The following BPHL variants were observed in gnomAD, a reference collection of about 807,000 sequenced individuals.
BPHL encodes the protein serine hydrolase BPHL.
A neutral mutation model predicts 31.2 loss-of-function variants in BPHL; 27 were observed. That is an observed-to-expected ratio of 0.87 (90% CI 0.64 to 1.19). The LOEUF (loss-of-function observed/expected upper bound fraction) is 1.19. Ranked by LOEUF, BPHL falls within the 50% of genes most tolerant of loss-of-function variation. The pLI, the probability that BPHL is intolerant of heterozygous loss-of-function variation, is 0.00. For missense variants in BPHL, 356 were observed against 375.7 expected (o/e 0.95, Z 0.43); for synonymous variants, 150 against 146.8 (o/e 1.02, Z -0.16).
At chr6:3,128,657 T>C (rs557258811) in intron 3 of BPHL, among the ~76,000 whole-genome samples, 1 of 152,338 alleles carries the variant, frequency 6.6e-6, no homozygotes, top group African/African-American at 2.4e-5. Context: ...CAGGGTCCCC[T>C]CTCTGATCTA....
At position 3,119,598 on chromosome 6, in the gene BPHL, A is replaced by C. The variant is rs1581456083; in HGVS notation, c.107+751A>C. 14 of 1,549,724 alleles carry C rather than the reference A, an allele frequency of 9.0e-6. No homozygotes were observed. In the East Asian group the frequency reaches 3.1e-4, roughly 35 times the overall value. On this transcript the variant is annotated intron_variant, in intron 1 of 6. Transcript: ENST00000380379. ...CTTGGTCCCAAGAGATACTGGGCAG[A>C]AATGTGGATAGAGCGGCATGAAGCT...
In BPHL at chr6:3,146,164, G is replaced by T. The variant is rs866478907; in HGVS notation, c.788+5655G>T. On this transcript the variant is annotated intron_variant, in intron 6 of 6. Transcript: ENST00000380379. ...GTTCGGGTTGGAGTGCTGGTTCGGGGTGGAGTGCTGGTTCGGGGTGGAGTG... is the reference window on the plus strand; with the variant it reads ...GTTCGGGTTGGAGTGCTGGTTCGGGTTGGAGTGCTGGTTCGGGGTGGAGTG... Among the ~76,000 whole-genome samples the T allele has an allele frequency of 1.6e-3, 55 of 33,444 alleles. 1 individual carries two copies. The highest frequency in any genetic ancestry group is 7.0e-3 in the African/African-American group (16 of 2,300). The allele number at this position is 33,444 out of a possible 152,430, so 21.9% of individuals were successfully genotyped here.
intron 2 of BPHL, chr6:3,126,976 G>C (rs1213207453): frequency 4.7e-6 from 1 of 211,112 alleles, no homozygotes; most frequent in East Asian, 8.1e-5. Flanking sequence ...TCACCGTGTT[G>C]CCCAGGCCGG....
At chr6:3,132,124 T>C (rs9632526) in intron 4 of BPHL, among the ~76,000 whole-genome samples, 16,461 of 152,026 alleles carry the variant, frequency 0.11, 2,752 homozygotes, top group African/African-American at 0.36. Flanking sequence ...CTGGCTACTC[T>C]TTCTTTTTCA....
In BPHL at chr6:3,152,559, A is replaced by T. The variant is rs369934365; in HGVS notation, c.860A>T (p.Glu287Val). 1.0e-4 allele frequency: 161 copies of T among 1,613,288 alleles called. No individual in the cohort carries two copies. The highest frequency in any genetic ancestry group is 1.4e-4 in the Non-Finnish European group (160 of 1,179,708). ...GCAGATGAATTCAACAAGTTAGCAGAAGACTTCCTACAATGAGAATGCACA... is the reference window on the plus strand; with the variant it reads ...GCAGATGAATTCAACAAGTTAGCAGTAGACTTCCTACAATGAGAATGCACA... ...RFADEFNKLA[E>V]DFLQ Residue 287 changes from glutamate to valine, a missense_variant, in exon 7 of 7, where the codon GAA becomes GTA. By Grantham distance (121) the Glu-to-Val change is moderately radical (BLOSUM62 -2). Transcript: ENST00000380379.
chr6:3,125,814 G>T (rs879923552), intron 2 of BPHL, among the ~76,000 whole-genome samples: 3 of 152,210 alleles, frequency 2.0e-5, no homozygotes, highest in Non-Finnish European at 4.4e-5. Context: ...AAAATGATAG[G>T]CCTTGACAAT....
intron 6 of BPHL, among the ~76,000 whole-genome samples, chr6:3,146,765 T>G (rs1762393546): frequency 7.2e-6 from 1 of 138,330 alleles, no homozygotes; most frequent in Non-Finnish European, 1.5e-5. Flanking sequence ...TGGGTCAGAG[T>G]GCTGGTTTGG....
At chr6:3,144,081 TG>T (rs1393782435) in intron 6 of BPHL, among the ~76,000 whole-genome samples, 19 of 152,342 alleles carry the variant, frequency 1.2e-4, no homozygotes, top group African/African-American at 3.4e-4. Flanking sequence ...CCTCTTTTTT[TG>T]TTTTTGAGAC....
At chr6:3,129,997 G>A (rs1223863175) in intron 4 of BPHL, among the ~76,000 whole-genome samples, 3 of 152,028 alleles carry the variant, frequency 2.0e-5, no homozygotes, top group Admixed American at 6.5e-5. Context: ...AGTAAAGACG[G>A]GGTTTCTCCA....
chr6:3,139,427 G>A (rs890593657), intron 5 of BPHL: 1 of 152,160 alleles, frequency 6.6e-6, no homozygotes, highest in African/African-American at 2.4e-5. Context: ...GTGTCATCTC[G>A]GGACAGGAGA....
At chr6:3,146,557 CG>C (rs11285124) in intron 6 of BPHL, among the ~76,000 whole-genome samples, 3,940 of 4,216 alleles carry the variant, frequency 0.93, 1,916 homozygotes, top group Middle Eastern at 1. Context: ...TGGTTTGGGT[CG>C]GGAGTGCTGG....
intron 4 of BPHL, among the ~76,000 whole-genome samples, chr6:3,130,242 G>C (rs991286457): frequency 6.6e-6 from 1 of 152,156 alleles, no homozygotes; most frequent in African/African-American, 2.4e-5. Context: ...ACCAAGCTGG[G>C]GTGTCCCTTT....
In BPHL at chr6:3,140,560, G is replaced by T; in HGVS notation, c.788+51G>T. ...TCCCCCCGAGAGCCTCGGAGTCAAT[G>T]GGCAAAGCTACTGGAAGGAAAATAA... On this transcript the variant is annotated intron_variant, in intron 6 of 6. Coordinates refer to ENST00000380379, the MANE Select transcript of BPHL (RefSeq NM_004332.4). This position sits in a 1 kb window ranked among gnomAD's most constrained non-coding sequence, Gnocchi z 5.2. 1 of 1,605,692 alleles carries T rather than the reference G, an allele frequency of 6.2e-7. No homozygotes were observed.
chr6:3,125,180 G>A (rs1166377498), intron 2 of BPHL, among the ~76,000 whole-genome samples: 1 of 151,822 alleles, frequency 6.6e-6, no homozygotes, highest in Non-Finnish European at 1.5e-5. Flanking sequence ...TGAGTAGCTG[G>A]GATTACAGGT....
At chr6:3,142,852 G>A (rs1343180465) in intron 6 of BPHL, among the ~76,000 whole-genome samples, 2 of 152,176 alleles carry the variant, frequency 1.3e-5, no homozygotes, top group African/African-American at 4.8e-5. Flanking sequence ...TTCAATTAAA[G>A]TCAGTCTACA....
chr6:3,144,184 C>G (rs143672959), intron 6 of BPHL, among the ~76,000 whole-genome samples: 7,889 of 152,216 alleles, frequency 0.052, 673 homozygotes, highest in African/African-American at 0.18. Context: ...TCTCCTGCCT[C>G]AGCCTCCCGA....
intron 5 of BPHL, chr6:3,138,111 T>G: frequency 2.5e-6 from 2 of 802,382 alleles, no homozygotes; most frequent in African/African-American, 1.8e-5. Context: ...CTCTGTCTCC[T>G]GGGTTCAAGC....
chr6:3,135,673 C>G (rs533592571), intron 4 of BPHL, among the ~76,000 whole-genome samples: 1 of 152,136 alleles, frequency 6.6e-6, no homozygotes. Context: ...TCTGCATCGT[C>G]GTGTCTCTCT....
At chr6:3,141,131 T>G (rs1762161673) in intron 6 of BPHL, among the ~76,000 whole-genome samples, 1 of 152,242 alleles carries the variant, frequency 6.6e-6, no homozygotes. Flanking sequence ...ACAATTACCA[T>G]AAACCTTTAT....
Sources: gnomAD v4.1 joint callset for allele counts (sites outside exome capture counted in the v4.1 genomes callset) on GRCh38, gnomAD v4.1.1 for gene constraint, Gnocchi (gnomAD v3.1) non-coding constraint, MANE v1.5 for transcripts, NCBI Gene and HGNC (gene_info 2026-07-23, HGNC 2026-07-21) for gene names.